Variants in GTF3C2 observed in about 807,000 individuals in gnomAD.
GTF3C2 encodes the protein general transcription factor 3C polypeptide 2.
A neutral mutation model predicts 117.4 loss-of-function variants in GTF3C2; 17 were observed. The observed-to-expected ratio is 0.14, with a 90% CI of 0.10 to 0.22. The LOEUF is 0.22. Ranked by LOEUF, GTF3C2 falls within the 10% of genes least tolerant of loss-of-function variation. The probability of loss-of-function intolerance (pLI) is 1.00; values close to 1 mark genes in which losing one functional copy is unlikely to be tolerated. For missense variants in GTF3C2, 888 were observed against 1,143.6 expected, an observed-to-expected ratio of 0.78 and a Z score of 3.22; for synonymous variants, 437 against 427.0, an observed-to-expected ratio of 1.02 and a Z score of -0.29.
At chr2:27,350,006 T>C (rs1277952501) in intron 1 of GTF3C2, among the ~76,000 whole-genome samples, 2 of 152,080 alleles carry the variant, frequency 1.3e-5, no homozygotes, top group Non-Finnish European at 2.9e-5. Flanking sequence ...TCAGGAACAT[T>C]TAAACATCAA....
chr2:27,339,302 G>C (rs895655880), intron 4 of GTF3C2, among the ~76,000 whole-genome samples: 2 of 151,556 alleles, frequency 1.3e-5, no homozygotes, highest in African/African-American at 4.9e-5. Flanking sequence ...AGCTACTTGG[G>C]AGGCTGAGGC....
intron 4 of GTF3C2, among the ~76,000 whole-genome samples, chr2:27,338,700 CTAATTTTTTT>C (rs1306118063): frequency 1.3e-5 from 2 of 151,958 alleles, no homozygotes; most frequent in African/African-American, 2.4e-5. Context: ...CTACACCTGG[CTAATTTTTTT>C]GTATTTTTTT....
chr2:27,356,054 A>C, intron 1 of GTF3C2: 1 of 1,256,268 alleles, frequency 8.0e-7, no homozygotes, highest in Middle Eastern at 2.2e-4. Context: ...TTAAAATTGT[A>C]TATGCCTCTG....
At chr2:27,352,911 A>G (rs1681185242) in intron 1 of GTF3C2, among the ~76,000 whole-genome samples, 1 of 152,196 alleles carries the variant, frequency 6.6e-6, no homozygotes, top group Admixed American at 6.6e-5. Context: ...ACGAGCAGTA[A>G]AATTCCACAG....
intron 1 of GTF3C2, among the ~76,000 whole-genome samples, chr2:27,352,054 C>A (rs1412700340): frequency 6.6e-6 from 1 of 152,220 alleles, no homozygotes; most frequent in Non-Finnish European, 1.5e-5. Context: ...TACCCACTAT[C>A]ACTTTTATTC....
intron 4 of GTF3C2, among the ~76,000 whole-genome samples, chr2:27,339,281 C>A (rs1680625702): frequency 6.6e-6 from 1 of 151,724 alleles, no homozygotes; most frequent in African/African-American, 2.4e-5. Context: ...GTGGTGTGCA[C>A]CCGTAATCTC....
intron 1 of GTF3C2, among the ~76,000 whole-genome samples, chr2:27,350,040 G>T (rs747589739): frequency 5.3e-5 from 8 of 152,090 alleles, no homozygotes; most frequent in Non-Finnish European, 8.8e-5. Flanking sequence ...AAGATACAAA[G>T]CAAAATGTTC....
At chr2:27,343,319 A>G (rs1340955507) in exon 2 of GTF3C2, 1 of 1,614,056 alleles carries the variant, frequency 6.2e-7, no homozygotes, top group South Asian at 1.1e-5. Flanking sequence ...TGGCTGTTCC[A>G]GTCTGGAGAG....
chr2:27,341,226 G>C (rs922754910), intron 4 of GTF3C2, among the ~76,000 whole-genome samples: 2 of 151,674 alleles, frequency 1.3e-5, no homozygotes, highest in Non-Finnish European at 2.9e-5. Context: ...AGGAGAGACG[G>C]GGTTTCACTA....
chr2:27,329,413 C>G lies in GTF3C2; in HGVS notation c.1843G>C (p.Ala615Pro). The G allele has an allele frequency of 6.2e-7, 1 of 1,614,122 alleles. No homozygotes were observed. Among genetic ancestry groups the G allele is most frequent in the Non-Finnish European group, 8.5e-7 (1 of 1,180,010 alleles). Residue 615 changes from alanine (A) to proline (P), a missense_variant, in exon 13 of 19, where the codon GCT (alanine) becomes CCT (proline). Transcript: ENST00000264720. The surrounding 1 kb of genome is among the most constrained non-coding windows in gnomAD (Gnocchi z 4.5). ...TTGCACCATTGAAGGGTACGCACAG[C>G]CTGGTCATGGGCTAGGAAACACTGG...
At chr2:27,326,641 C>T (rs1473934646) in exon 19 of GTF3C2, 10 of 1,523,222 alleles carry the variant, frequency 6.6e-6, no homozygotes, top group South Asian at 4.5e-5. Context: ...TGTTCTTGAC[C>T]GACTTCACTC....
chr2:27,338,505 T>C (rs1182432512), intron 4 of GTF3C2, among the ~76,000 whole-genome samples: 1 of 152,130 alleles, frequency 6.6e-6, no homozygotes. Context: ...TCATCTCATG[T>C]CCCATGGCTT....
chr2:27,349,172 G>A (rs1470301423), intron 1 of GTF3C2, among the ~76,000 whole-genome samples: 2 of 106,488 alleles, frequency 1.9e-5, no homozygotes, highest in African/African-American at 3.7e-5. Flanking sequence ...TTTTGAGACA[G>A]AGTCTTGCTC....
At chr2:27,326,325 G>A (rs1680071217) in exon 19 of GTF3C2, 1 of 456,966 alleles carries the variant, frequency 2.2e-6, no homozygotes, top group Admixed American at 3.2e-5. Context: ...TTCACAAGTG[G>A]TCACAAAAAC....
intron 12 of GTF3C2, among the ~76,000 whole-genome samples, chr2:27,333,318 A>T (rs1331235583): frequency 6.6e-6 from 1 of 151,312 alleles, no homozygotes; most frequent in Non-Finnish European, 1.5e-5. Context: ...TCCTGAGCTA[A>T]TTTTTTGTAT....
chr2:27,329,067 G>T lies in GTF3C2; in HGVS notation c.2039+54C>A. On this transcript the variant is annotated intron_variant, in intron 14 of 18. Transcript: ENST00000264720. The surrounding 1 kb of genome is among the most constrained non-coding windows in gnomAD (Gnocchi z 4.5). Reference sequence around the variant, plus strand: ...TCCCCACAACAATCTGGCATGCTTTGCATTCCAACCCTTAGGGCCTGTCCC... The same window carrying T: ...TCCCCACAACAATCTGGCATGCTTTTCATTCCAACCCTTAGGGCCTGTCCC... 2 of 1,587,260 alleles carry T rather than the reference G, an allele frequency of 1.3e-6. No homozygotes were observed. The highest frequency in any genetic ancestry group is 1.7e-6 in the Non-Finnish European group (2 of 1,156,294).
exon 7 of GTF3C2, chr2:27,337,267 A>G: frequency 6.2e-7 from 1 of 1,610,572 alleles, no homozygotes; most frequent in East Asian, 2.2e-5. Context: ...AGAGGGTGCC[A>G]TCTTCAGGTA....
Position 27,345,466 on chromosome 2 carries a change from G to A in GTF3C2, c.-24-1888C>T, listed in dbSNP as rs895156043. ...AAATTAGCTGGGCATGGTGGCAGGCGCCTGTAATCCCAGCTACTCAGGAGG... is the reference window on the plus strand; with the variant it reads ...AAATTAGCTGGGCATGGTGGCAGGCACCTGTAATCCCAGCTACTCAGGAGG... On this transcript the variant is annotated intron_variant, in intron 1 of 18. Coordinates refer to ENST00000264720, the Ensembl canonical transcript of GTF3C2. Among the ~76,000 whole-genome samples the A allele has an allele frequency of 3.3e-5, 5 of 151,662 alleles. No homozygotes were observed. The South Asian group carries it at 8.4e-4, about 25-fold the overall frequency.
At chr2:27,338,708 T>C (rs1680600097) in intron 4 of GTF3C2, among the ~76,000 whole-genome samples, 1 of 150,820 alleles carries the variant, frequency 6.6e-6, no homozygotes, top group African/African-American at 2.4e-5. Context: ...GGCTAATTTT[T>C]TTGTATTTTT....
Sources: allele counts gnomAD v4.1 joint callset (sites outside exome capture counted in the v4.1 genomes callset), GRCh38; gene constraint gnomAD v4.1.1; non-coding constraint Gnocchi (gnomAD v3.1); transcripts MANE v1.5; gene names NCBI Gene and HGNC (gene_info 2026-07-23, HGNC 2026-07-21).